Variants in STXBP4 observed in about 807,000 individuals in gnomAD.
STXBP4 encodes syntaxin-binding protein 4.
STXBP4 carries 55 observed loss-of-function variants against 76.1 expected under a neutral mutation model. The ratio of observed to expected loss-of-function variants is 0.72; its 90% confidence interval spans 0.58 to 0.91. The LOEUF is 0.91. Among genes scored for constraint, STXBP4 ranks in the 40% least tolerant of loss-of-function variants. The pLI is 0.00. For missense variants in STXBP4, 618 were observed against 636.9 expected (o/e 0.97, Z 0.32); for synonymous variants, 201 against 220.2 (o/e 0.91, Z 0.77).
intron 13 of STXBP4, 147 bp downstream of exon 13, chr17:55,073,223 G>T: frequency 2.7e-6 from 2 of 750,524 alleles, no homozygotes; most frequent in Admixed American, 2.9e-5. Context: ...GTCCTGATGG[G>T]GATAATGTAA....
intron 16 of STXBP4, among the ~76,000 whole-genome samples, chr17:55,126,535 G>A (rs969283606): frequency 1.3e-5 from 2 of 152,140 alleles, no homozygotes; most frequent in Non-Finnish European, 2.9e-5. Context: ...ACCATGATTG[G>A]GGTTTGGGTT....
intron 8 of STXBP4, among the ~76,000 whole-genome samples, chr17:55,023,490 A>G (rs114019379): frequency 0.011 from 1,681 of 152,340 alleles, 27 homozygotes; most frequent in African/African-American, 0.038. Context: ...AGTTCATTAT[A>G]CACTGCACCA....
At chr17:55,176,888 T>C (rs2080433183), downstream of STXBP4, among the ~76,000 whole-genome samples, 1 of 152,130 alleles carries the variant, frequency 6.6e-6, no homozygotes, top group South Asian at 2.1e-4. Context: ...TTCCTGGTTT[T>C]GGGGCCTTGA....
At chr17:55,064,033 TC>T (rs2079022200) in intron 12 of STXBP4, among the ~76,000 whole-genome samples, 1 of 152,246 alleles carries the variant, frequency 6.6e-6, no homozygotes, top group Admixed American at 6.5e-5. Flanking sequence ...AGAAACACTT[TC>T]TGTCCCTTAC....
intron 16 of STXBP4, among the ~76,000 whole-genome samples, chr17:55,086,632 C>T (rs1259665285): frequency 5.3e-5 from 8 of 152,062 alleles, no homozygotes; most frequent in African/African-American, 1.9e-4. Flanking sequence ...TATATGGAGA[C>T]ACGCACACAT....
the STXBP4 span, among the ~76,000 whole-genome samples, chr17:55,188,020 T>A: frequency 1.3e-5 from 2 of 152,176 alleles, no homozygotes; most frequent in Non-Finnish European, 2.9e-5. Context: ...ATATCCATTT[T>A]ACAGATGAGG....
intron 12 of STXBP4, among the ~76,000 whole-genome samples, chr17:55,054,781 G>A (rs2078904024): frequency 6.6e-6 from 1 of 151,936 alleles, no homozygotes; most frequent in East Asian, 1.9e-4. Context: ...AATATTAAGA[G>A]GTGGAAATGA....
intron 8 of STXBP4, among the ~76,000 whole-genome samples, chr17:55,011,873 A>G (rs2078122298): frequency 6.6e-6 from 1 of 152,090 alleles, no homozygotes; most frequent in Non-Finnish European, 1.5e-5. Flanking sequence ...CCCAAGTGCC[A>G]TTGAGGAGGT....
chr17:55,013,483 G>C (rs1437500600), intron 8 of STXBP4, among the ~76,000 whole-genome samples: 3 of 152,212 alleles, frequency 2.0e-5, no homozygotes, highest in Non-Finnish European at 4.4e-5. Context: ...AACTCTCTTA[G>C]TTGCTTTAGG....
At position 55,069,330 on chromosome 17, in the gene STXBP4, C is replaced by CT. The variant is rs566035571; in HGVS notation, c.1012-3569dup. 2.6e-5 allele frequency among the ~76,000 whole-genome samples: 4 copies of CT among 152,170 alleles called. No individual in the cohort carries two copies. The South Asian group carries it at 8.3e-4, about 32-fold the overall frequency. ...CTAACCTTCTAAACTGAATTAAACTCTATCTAGTACATAGTAAATCAGTAA... is the reference window on the plus strand; with the variant it reads ...CTAACCTTCTAAACTGAATTAAACTCTTATCTAGTACATAGTAAATCAGTAA... On this transcript the variant is annotated intron_variant, in intron 12 of 17. Transcript: ENST00000376352.
chr17:55,038,334 T>C (rs143670104), intron 10 of STXBP4, among the ~76,000 whole-genome samples: 12 of 152,228 alleles, frequency 7.9e-5, no homozygotes, highest in Admixed American at 5.2e-4. Flanking sequence ...GGAACCAGTA[T>C]TTTGACTTAT....
intron 16 of STXBP4, among the ~76,000 whole-genome samples, chr17:55,119,014 G>T (rs551427356): frequency 4.6e-5 from 7 of 150,822 alleles, no homozygotes; most frequent in Admixed American, 4.0e-4. Context: ...GTATAGGTTT[G>T]TTACATACGT....
At chr17:54,988,446 C>T (rs7219874) in intron 3 of STXBP4, among the ~76,000 whole-genome samples, 42,726 of 151,882 alleles carry the variant, frequency 0.28, 6,261 homozygotes, top group African/African-American at 0.35. Flanking sequence ...AGGCTTTACT[C>T]GTTTATGTTT....
chr17:55,024,092 G>C (rs2078368981), intron 8 of STXBP4, among the ~76,000 whole-genome samples: 1 of 152,148 alleles, frequency 6.6e-6, no homozygotes, highest in African/African-American at 2.4e-5. Context: ...TGAAAATAAA[G>C]CAGCAGTGAG....
chr17:55,089,345 A>G (rs946478395), intron 16 of STXBP4, among the ~76,000 whole-genome samples: 16 of 152,338 alleles, frequency 1.1e-4, no homozygotes, highest in South Asian at 1.0e-3. Flanking sequence ...GATACATTTG[A>G]AAATATGGTA....
At chr17:55,184,170 C>A in the STXBP4 span, among the ~76,000 whole-genome samples, 1 of 152,014 alleles carries the variant, frequency 6.6e-6, no homozygotes, top group Non-Finnish European at 1.5e-5. Context: ...AATTGTATAA[C>A]TTTTATTACT....
chr17:55,155,381 T>G (rs1944330535), intron 17 of STXBP4, among the ~76,000 whole-genome samples: 1 of 152,090 alleles, frequency 6.6e-6, no homozygotes, highest in Non-Finnish European at 1.5e-5. Context: ...CTACTTGCAG[T>G]TTATGCCCAG....
the STXBP4 span, among the ~76,000 whole-genome samples, chr17:55,207,381 G>T: frequency 6.6e-6 from 1 of 152,064 alleles, no homozygotes; most frequent in Non-Finnish European, 1.5e-5. Context: ...CCCTGACCAG[G>T]ATGAGCTTCC....
At chr17:55,185,481 A>G in the STXBP4 span, among the ~76,000 whole-genome samples, 2 of 152,018 alleles carry the variant, frequency 1.3e-5, no homozygotes, top group African/African-American at 4.8e-5. Flanking sequence ...AGAGGAAAAG[A>G]GAATAGAAAT....
Sources: allele counts gnomAD v4.1 joint callset (sites outside exome capture counted in the v4.1 genomes callset), GRCh38; gene constraint gnomAD v4.1.1; transcripts MANE v1.5; gene names NCBI Gene and HGNC (gene_info 2026-07-23, HGNC 2026-07-21).